Variants in ADK observed in about 807,000 individuals in gnomAD.
The protein encoded by ADK is N6,N6-dimethyladenosine kinase.
In ADK, 24 loss-of-function variants were observed where a neutral mutation model predicts 44.7. The ratio of observed to expected loss-of-function variants is 0.54; its 90% CI spans 0.39 to 0.76. ADK has a LOEUF of 0.76. ADK is among the 30% of genes least tolerant of loss of function. ADK has a pLI of 0.00. For synonymous variants in ADK, 128 were observed against 142.6 expected, an observed-to-expected ratio of 0.90 and a Z score of 0.73; for missense variants, 321 against 425.1, an observed-to-expected ratio of 0.76 and a Z score of 2.15.
chr10:74,498,540 T>G (rs1013673751), intron 6 of ADK, among the ~76,000 whole-genome samples: 1 of 152,240 alleles, frequency 6.6e-6, no homozygotes, highest in Admixed American at 6.5e-5. Context: ...TTTATTTTTA[T>G]TATACTTTAA....
At chr10:74,510,227 T>C (rs560875793) in intron 6 of ADK, among the ~76,000 whole-genome samples, 34 of 151,714 alleles carry the variant, frequency 2.2e-4, no homozygotes, top group Non-Finnish European at 4.1e-4. Context: ...CTCACCAACA[T>C]TTTTTTTTCT....
chr10:74,619,838 G>T (rs542932276), intron 9 of ADK, among the ~76,000 whole-genome samples: 1 of 151,870 alleles, frequency 6.6e-6, no homozygotes, highest in Admixed American at 6.6e-5. Context: ...TTCCCAACTC[G>T]GCCTCCTGAG....
At chr10:74,523,020 C>A (rs1266821897) in intron 6 of ADK, among the ~76,000 whole-genome samples, 6 of 152,216 alleles carry the variant, frequency 3.9e-5, no homozygotes, top group Middle Eastern at 3.4e-3. Context: ...ATTATCTGCT[C>A]AAATTAGCAA....
intron 2 of ADK, among the ~76,000 whole-genome samples, chr10:74,222,402 C>T (rs1285091906): frequency 6.6e-6 from 1 of 151,330 alleles, no homozygotes; most frequent in Non-Finnish European, 1.5e-5. Flanking sequence ...AACACTTTTA[C>T]ACTGTTGGTG....
chr10:74,448,019 C>CA (rs959842129), intron 6 of ADK, among the ~76,000 whole-genome samples: 62 of 152,040 alleles, frequency 4.1e-4, no homozygotes, highest in Non-Finnish European at 7.7e-4. Flanking sequence ...ACTAAAAATA[C>CA]AAAAAATGGC....
At chr10:74,372,210 C>G (rs1442025477) in intron 4 of ADK, 1 of 759,968 alleles carries the variant, frequency 1.3e-6, no homozygotes, top group African/African-American at 1.7e-5. Context: ...GGAGGAATTT[C>G]AGGGTGAATG....
intron 6 of ADK, among the ~76,000 whole-genome samples, chr10:74,487,317 ATGAT>A (rs371234342): frequency 0.025 from 3,734 of 151,832 alleles, 136 homozygotes; most frequent in African/African-American, 0.074. Context: ...TTCAGAATGA[ATGAT>A]TGATAGGGGA....
At chr10:74,402,967 A>G (rs1442090618) in intron 6 of ADK, among the ~76,000 whole-genome samples, 1 of 152,036 alleles carries the variant, frequency 6.6e-6, no homozygotes, top group Non-Finnish European at 1.5e-5. Context: ...TTTCCTTCTA[A>G]TAGTCAGGAT....
chr10:74,382,954 T>A (rs113603078), intron 4 of ADK, among the ~76,000 whole-genome samples: 2 of 151,430 alleles, frequency 1.3e-5, no homozygotes, highest in African/African-American at 4.9e-5. Flanking sequence ...TATTGGATTT[T>A]CCCCCCCTCC....
chr10:74,687,744 G>A (rs897190611), intron 10 of ADK, among the ~76,000 whole-genome samples: 3 of 152,050 alleles, frequency 2.0e-5, no homozygotes, highest in East Asian at 1.9e-4. Flanking sequence ...TCTCCAAACC[G>A]TCAGTGAGTT....
At chr10:74,444,557 G>A (rs2133154659) in intron 6 of ADK, among the ~76,000 whole-genome samples, 1 of 152,102 alleles carries the variant, frequency 6.6e-6, no homozygotes, top group African/African-American at 2.4e-5. Context: ...AACATGGATA[G>A]ACACTATTTT....
intron 8 of ADK, among the ~76,000 whole-genome samples, chr10:74,597,881 A>G (rs2133954325): frequency 6.6e-6 from 1 of 152,156 alleles, no homozygotes; most frequent in East Asian, 1.9e-4. Flanking sequence ...TCACTAAACT[A>G]ATCTATCTGG....
intron 6 of ADK, among the ~76,000 whole-genome samples, chr10:74,505,592 G>C (rs1848041344): frequency 6.9e-6 from 1 of 144,044 alleles, no homozygotes; most frequent in Non-Finnish European, 1.5e-5. Flanking sequence ...TAAATCCTAT[G>C]AAGTCATATA....
chr10:74,674,748 G>A (rs934534104), intron 10 of ADK, among the ~76,000 whole-genome samples: 7 of 152,240 alleles, frequency 4.6e-5, no homozygotes, highest in East Asian at 1.9e-4. Flanking sequence ...CGGGCATGGC[G>A]TTGCATGCCT....
chr10:74,386,870 T>C (rs1326240212), intron 4 of ADK, among the ~76,000 whole-genome samples: 3 of 152,176 alleles, frequency 2.0e-5, no homozygotes, highest in Non-Finnish European at 4.4e-5. Flanking sequence ...CTTCAGGGTA[T>C]TTCAAAATTT....
At chr10:74,589,428 A>AGCAGTTGCCATGGAAACTTG in intron 8 of ADK, 111 bp downstream of exon 8, 1 of 1,132,652 alleles carries the variant, frequency 8.8e-7, no homozygotes, top group Non-Finnish European at 1.3e-6. Flanking sequence ...AGAGCCTCGC[A>AGCAGTTGCCATGGAAACTTG]GCAGTTGCCA....
At chr10:74,611,097 G>A (rs1852522867) in intron 9 of ADK, among the ~76,000 whole-genome samples, 2 of 152,024 alleles carry the variant, frequency 1.3e-5, no homozygotes, top group Admixed American at 6.6e-5. Flanking sequence ...ACACAATCAT[G>A]GCTCACTGCA....
At chr10:74,207,178 A>G (rs373109930) in intron 2 of ADK, among the ~76,000 whole-genome samples, 7 of 152,210 alleles carry the variant, frequency 4.6e-5, no homozygotes, top group South Asian at 4.2e-4. Context: ...AGTGGCTTCC[A>G]CTGTAGGAAC....
intron 4 of ADK, among the ~76,000 whole-genome samples, chr10:74,367,370 A>T (rs1445384781): frequency 2.6e-5 from 4 of 152,228 alleles, no homozygotes; most frequent in Non-Finnish European, 5.9e-5. Flanking sequence ...AATGGACTTC[A>T]GGAGGTCCAT....
Sources: allele counts gnomAD v4.1 joint callset (sites outside exome capture counted in the v4.1 genomes callset), GRCh38; gene constraint gnomAD v4.1.1; transcripts MANE v1.5; gene names NCBI Gene and HGNC (gene_info 2026-07-23, HGNC 2026-07-21).